Variants in LOXHD1 observed in about 807,000 individuals in gnomAD.
LOXHD1 encodes lipoxygenase homology domain-containing protein 1.
LOXHD1 carries 205 observed loss-of-function variants against 248.2 expected under a neutral mutation model. That is an observed-to-expected ratio of 0.83 (90% CI 0.74 to 0.93). LOXHD1 has a LOEUF of 0.93. LOXHD1 is among the 40% of genes least tolerant of loss of function. The pLI is 0.00. For synonymous variants in LOXHD1, 1,113 were observed against 1,162.8 expected, an observed-to-expected ratio of 0.96 and a Z score of 0.87; for missense variants, 2,930 against 2,971.6, an observed-to-expected ratio of 0.99 and a Z score of 0.33.
chr18:46,619,888 G>T (rs527457000), intron 4 of LOXHD1, among the ~76,000 whole-genome samples: 2 of 152,186 alleles, frequency 1.3e-5, no homozygotes, highest in African/African-American at 4.8e-5. Context: ...CTAACTGAGA[G>T]CTCCAGGAGG....
chr18:46,596,149 AT>A (rs1318724695), intron 8 of LOXHD1, among the ~76,000 whole-genome samples: 2 of 149,670 alleles, frequency 1.3e-5, no homozygotes, highest in East Asian at 3.9e-4. Flanking sequence ...TTTAAAAACT[AT>A]TTTGTCATTA....
chr18:46,648,589 G>C (rs1282695484), intron 2 of LOXHD1, among the ~76,000 whole-genome samples: 1 of 152,138 alleles, frequency 6.6e-6, no homozygotes, highest in South Asian at 2.1e-4. Context: ...TGCATGCAGT[G>C]GGGGGAAAGG....
intron 12 of LOXHD1, among the ~76,000 whole-genome samples, chr18:46,581,731 A>G (rs1308565071): frequency 2.0e-5 from 3 of 152,232 alleles, no homozygotes; most frequent in Non-Finnish European, 4.4e-5. Context: ...AAATTCAAAG[A>G]GATCTACACC....
Position 46,610,800 on chromosome 18 carries a change from G to GC in LOXHD1, c.734dup (p.Ser246LeufsTer12), listed in dbSNP as rs1468257550. The GC allele has an allele frequency of 1.3e-6, 2 of 1,551,560 alleles. No homozygotes were observed. Among genetic ancestry groups the GC allele is most frequent in the Non-Finnish European group, 1.7e-6 (2 of 1,146,936 alleles). On this transcript the variant is annotated frameshift_variant, in exon 6 of 41. Transcript: ENST00000642948. LOFTEE classifies it high-confidence loss of function. ...CCTGGGACAGGAACCAACCTGCAGA[G>GC]CCCCCCTTATTGTTGTGGCCAACAT...
At chr18:46,571,450 A>G (rs1266658165) in intron 15 of LOXHD1, among the ~76,000 whole-genome samples, 2 of 152,096 alleles carry the variant, frequency 1.3e-5, no homozygotes, top group African/African-American at 2.4e-5. Flanking sequence ...AGCCTCGTTG[A>G]CAGAGTAAGA....
At chr18:46,578,603 G>A (rs888003584) in intron 13 of LOXHD1, among the ~76,000 whole-genome samples, 14 of 152,210 alleles carry the variant, frequency 9.2e-5, no homozygotes, top group Admixed American at 2.6e-4. Context: ...GAGCCAGCCT[G>A]GATTGGCCTC....
chr18:46,509,533 T>C (rs201638430), intron 35 of LOXHD1, 165 bp downstream of exon 35: 27 of 682,458 alleles, frequency 4.0e-5, no homozygotes, highest in Non-Finnish European at 6.3e-5. Context: ...CGACATTCTC[T>C]GATTAATTCA....
intron 5 of LOXHD1, among the ~76,000 whole-genome samples, chr18:46,612,129 C>G (rs1198534033): frequency 6.6e-6 from 1 of 152,172 alleles, no homozygotes; most frequent in Non-Finnish European, 1.5e-5. Context: ...GTTGTCTATG[C>G]ATTCTTCTAC....
chr18:46,567,150 A>G (rs2037659512), intron 16 of LOXHD1, among the ~76,000 whole-genome samples: 1 of 152,158 alleles, frequency 6.6e-6, no homozygotes, highest in African/African-American at 2.4e-5. Context: ...CAATGTTTGG[A>G]TTGCTTTTAT....
chr18:46,550,311 C>T (rs912541011), intron 21 of LOXHD1, among the ~76,000 whole-genome samples: 1 of 152,046 alleles, frequency 6.6e-6, no homozygotes. Flanking sequence ...CGGTGGCTCA[C>T]GCCAGTAATC....
rs1434725624 is a variant in LOXHD1, at chr18:46,477,802, A to C, written c.6492T>G (p.Tyr2164Ter). 2.6e-6 allele frequency: 4 copies of C among 1,551,852 alleles called. No homozygotes were observed. Among genetic ancestry groups the C allele is most frequent in the Non-Finnish European group, 3.5e-6 (4 of 1,147,026 alleles). ...TGGCATCAGTGCCTGCCCCTGGCTC[A>C]TAGCCTGTTGTCACGATGACTTCGT... Reference protein sequence around the residue: ...VKYEVIVTTGYEPGAGTDANV... With the variant: ...VKYEVIVTTG The change falls in exon 41 of 41, where the codon TAT becomes TAG. Residue 2164 changes from tyrosine to a stop codon, truncating the protein, a stop_gained. Transcript: ENST00000642948. LOFTEE classifies it high-confidence loss of function.
chr18:46,618,639 C>G (rs575075604), intron 4 of LOXHD1, among the ~76,000 whole-genome samples: 1 of 152,282 alleles, frequency 6.6e-6, no homozygotes, highest in Admixed American at 6.5e-5. Context: ...CAGGGATCAG[C>G]CCAGACCCAA....
intron 4 of LOXHD1, among the ~76,000 whole-genome samples, chr18:46,621,286 C>T (rs185324410): frequency 3.9e-4 from 60 of 152,294 alleles, no homozygotes; most frequent in African/African-American, 1.4e-3. Context: ...CTCACGAAAC[C>T]ATTTTTTAGA....
intron 7 of LOXHD1, 105 bp from the exon 8 acceptor site, chr18:46,601,572 T>C (rs2038340981): frequency 7.0e-7 from 1 of 1,427,440 alleles, no homozygotes; most frequent in Non-Finnish European, 9.6e-7. Context: ...GCCCTCCTCC[T>C]CCACACATCC....
intron 12 of LOXHD1, among the ~76,000 whole-genome samples, chr18:46,588,514 G>C (rs2038104745): frequency 6.6e-6 from 1 of 152,164 alleles, no homozygotes; most frequent in Admixed American, 6.5e-5. Context: ...CTGTAGAGAT[G>C]CTCTTCCTTG....
intron 37 of LOXHD1, among the ~76,000 whole-genome samples, chr18:46,502,639 T>TTGCCCC (rs955208912): frequency 2.0e-5 from 3 of 152,164 alleles, no homozygotes; most frequent in Non-Finnish European, 4.4e-5. Flanking sequence ...ACAGCTCCTC[T>TTGCCCC]TGCCCCTGCC....
intron 6 of LOXHD1, 109 bp from the exon 7 acceptor site, chr18:46,604,338 T>A: frequency 7.1e-7 from 1 of 1,415,930 alleles, no homozygotes; most frequent in Non-Finnish European, 9.5e-7. Flanking sequence ...AATGTACTGA[T>A]ATCTGTTTCG....
At chr18:46,642,630 T>C (rs16939869) in intron 2 of LOXHD1, among the ~76,000 whole-genome samples, 1 of 152,018 alleles carries the variant, frequency 6.6e-6, no homozygotes, top group South Asian at 2.1e-4. Context: ...ATCCTGCAAA[T>C]GGTGTGAACA....
At chr18:46,553,660 C>T (rs11873154) in intron 21 of LOXHD1, among the ~76,000 whole-genome samples, 30,136 of 152,106 alleles carry the variant, frequency 0.2, 3,060 homozygotes, top group Admixed American at 0.22. Context: ...ACAGATGAGG[C>T]CATTAACGAC....
Sources: gnomAD v4.1 joint callset for allele counts (sites outside exome capture counted in the v4.1 genomes callset) on GRCh38, gnomAD v4.1.1 for gene constraint, MANE v1.5 for transcripts, NCBI Gene and HGNC (gene_info 2026-07-23, HGNC 2026-07-21) for gene names.